The following KRT26 variants were observed in gnomAD, a reference collection of about 807,000 sequenced individuals.
The protein encoded by KRT26 is keratin 26.
In KRT26, 45 loss-of-function variants were observed where a neutral mutation model predicts 46.1. That is an observed-to-expected ratio of 0.98 (90% CI 0.77 to 1.25). The LOEUF is 1.25. Among genes scored for constraint, KRT26 ranks in the 50% most tolerant of loss-of-function variants. The pLI is 0.00. For synonymous variants in KRT26, 191 were observed against 209.9 expected (o/e 0.91, Z 0.78); for missense variants, 582 against 560.1 (o/e 1.04, Z -0.39).
chr17:40,770,786 G>A (rs770969744), intron 2 of KRT26, among the ~76,000 whole-genome samples: 1 of 152,212 alleles, frequency 6.6e-6, no homozygotes, highest in Non-Finnish European at 1.5e-5. Flanking sequence ...CCGGGTTCAA[G>A]TGATTCTCAT....
At chr17:40,771,875 G>C in exon 1 of KRT26, 1 of 1,614,140 alleles carries the variant, frequency 6.2e-7, no homozygotes, top group Non-Finnish European at 8.5e-7. Flanking sequence ...TTCATTCCCA[G>C]AGAGGAGGCT....
At chr17:40,769,166 T>C in intron 5 of KRT26, 70 bp from the exon 6 acceptor site, 2 of 1,014,528 alleles carry the variant, frequency 2.0e-6, no homozygotes, top group Non-Finnish European at 2.9e-6. Flanking sequence ...TATTATTTTA[T>C]TTATTTTTTT....
exon 8 of KRT26, chr17:40,766,500 A>G: frequency 6.5e-7 from 1 of 1,528,680 alleles, no homozygotes; most frequent in Non-Finnish European, 8.8e-7. Flanking sequence ...TTCTTTCCAA[A>G]TAACTTTTTC....
At chr17:40,768,775 A>C (rs960320996) in intron 6 of KRT26, 104 bp downstream of exon 6, 1 of 608,800 alleles carries the variant, frequency 1.6e-6, no homozygotes, top group South Asian at 2.3e-5. Context: ...AATATGTATG[A>C]TCTCCAGAGT....
Position 40,770,094 on chromosome 17 carries a change from C to G in KRT26, c.710G>C (p.Gly237Ala), listed in dbSNP as rs368879549. The stretch of plus-strand genomic sequence containing the variant: ...ATTCATCTCCACGTTCACGTTCCCC[C>G]CAGCTGTATATTGCAAGACTTCCAT... The change falls in exon 4 of 8, where the codon GGG (glycine) becomes GCG (alanine). Residue 237 changes from glycine to alanine, a missense_variant. Transcript: ENST00000335552. The G allele has an allele frequency of 8.1e-5, 131 of 1,614,192 alleles. 2 individuals carry two copies. The South Asian group carries it at 1.3e-3, about 16-fold the overall frequency.
chr17:40,771,891 C>T lies in KRT26; in HGVS notation c.223G>A (p.Glu75Lys), dbSNP rs1425563093. The stretch of plus-strand genomic sequence containing the variant: ...TCATTCCCAGAGAGGAGGCTGTGCT[C>T]ATTGCCAAGAAAACCAGCACAGGCA... The change falls in exon 1 of 8, where the codon GAG (glutamate) becomes AAG (lysine). Residue 75 changes from glutamate (E) to lysine (K), a missense_variant. Transcript: ENST00000335552. The T allele has an allele frequency of 1.2e-6, 2 of 1,614,176 alleles. No individual in the cohort carries two copies. Among genetic ancestry groups the T allele is most frequent in the Admixed American group, 3.3e-5 (2 of 60,022 alleles).
chr17:40,768,908 A>C (rs1246969512), exon 6 of KRT26: 1 of 1,603,756 alleles, frequency 6.2e-7, no homozygotes, highest in East Asian at 2.2e-5. Flanking sequence ...AGTTGCAATA[A>C]ATGTCAATTT....
chr17:40,770,083 T>A (rs1363148267), exon 4 of KRT26: 1 of 1,614,066 alleles, frequency 6.2e-7, no homozygotes, highest in African/African-American at 1.3e-5. Context: ...ATCTCCACGT[T>A]CACGTTCCCC....
chr17:40,766,414 TTAGG>T, exon 8 of KRT26: 1 of 934,028 alleles, frequency 1.1e-6, no homozygotes, highest in Non-Finnish European at 1.6e-6. Flanking sequence ...AATAATTTCC[TTAGG>T]TTATTTGACC....
In KRT26 at chr17:40,769,919, T is replaced by C. The variant is rs2038206220; in HGVS notation, c.844-40A>G. ...TCGAAAGGGTTAGTGACTGGCCTGA[T>C]TGTCTCCTGAGCAAGCCCTTTGTAA... On this transcript the variant is annotated intron_variant, in intron 4 of 7. Transcript: ENST00000335552. 3.7e-6 allele frequency: 6 copies of C among 1,614,198 alleles called. No individual in the cohort carries two copies. In the East Asian group the frequency reaches 8.9e-5, roughly 24 times the overall value.
chr17:40,766,687 C>A (rs766581906), intron 7 of KRT26, 21 bp from the exon 8 acceptor site: 1 of 1,559,574 alleles, frequency 6.4e-7, no homozygotes, highest in South Asian at 1.1e-5. Flanking sequence ...ATAAATAAAA[C>A]ATTAGTGGTC....
intron 5 of KRT26, 133 bp downstream of exon 5, chr17:40,769,621 G>A: frequency 1.1e-6 from 1 of 945,304 alleles, no homozygotes; most frequent in Non-Finnish European, 1.6e-6. Context: ...CAGAATTCTT[G>A]ATATTTAATA....
Position 40,770,509 on chromosome 17 carries a change from C to T in KRT26, c.525-100G>A, listed in dbSNP as rs1382197045. The T allele has an allele frequency of 1.2e-5, 11 of 928,052 alleles. No homozygotes were observed. In the African/African-American group the frequency reaches 1.5e-4, roughly 13 times the overall value. 57.5% of individuals were successfully genotyped at this position (928,052 alleles called of 1,614,324 possible). ...ATGCTGAAAGATATGATGTTCTGTA[C>T]ATACCTCTGAAGCTTCTTGCAATGG... On this transcript the variant is annotated intron_variant, in intron 2 of 7. Transcript: ENST00000335552.
chr17:40,768,174 A>C (rs2038186185), intron 6 of KRT26, among the ~76,000 whole-genome samples: 1 of 152,182 alleles, frequency 6.6e-6, no homozygotes, highest in East Asian at 1.9e-4. Context: ...TGGGCCTTGG[A>C]GGGTGCAAGA....
intron 6 of KRT26, 88 bp downstream of exon 6, chr17:40,768,791 A>T: frequency 3.0e-6 from 2 of 668,408 alleles, no homozygotes; most frequent in Non-Finnish European, 4.9e-6. Flanking sequence ...AGAGTAGGAA[A>T]TTCTAGGATG....
intron 1 of KRT26, 125 bp downstream of exon 1, chr17:40,771,548 C>G: frequency 1.7e-5 from 14 of 816,522 alleles, no homozygotes; most frequent in Non-Finnish European, 2.7e-5. Context: ...GTGCTTAGCA[C>G]TGGAAATACA....
chr17:40,767,396 T>G (rs1450203534), intron 7 of KRT26, among the ~76,000 whole-genome samples, 190 bp downstream of exon 7: 2 of 152,230 alleles, frequency 1.3e-5, no homozygotes, highest in African/African-American at 4.8e-5. Flanking sequence ...ATTTCATAAT[T>G]TGACCACATC....
At chr17:40,769,900 G>A (rs773017887) in intron 4 of KRT26, 21 bp from the exon 5 acceptor site, 1 of 1,614,146 alleles carries the variant, frequency 6.2e-7, no homozygotes, top group Non-Finnish European at 8.5e-7. Context: ...ATTGTCGAAA[G>A]GGTTAGTGAC....
exon 5 of KRT26, chr17:40,769,810 C>T (rs761696509): frequency 3.6e-5 from 58 of 1,614,042 alleles, no homozygotes; most frequent in African/African-American, 1.1e-4. Flanking sequence ...CGTTTTAATT[C>T]GGTCAGCTCA....
Sources: allele counts gnomAD v4.1 joint callset (sites outside exome capture counted in the v4.1 genomes callset), GRCh38; gene constraint gnomAD v4.1.1; transcripts MANE v1.5; gene names NCBI Gene and HGNC (gene_info 2026-07-23, HGNC 2026-07-21).